The following GPHN variants were observed in gnomAD, a reference collection of about 807,000 sequenced individuals.
GPHN encodes gephyrin.
GPHN carries 17 observed loss-of-function variants against 95.5 expected under a neutral mutation model. That is an observed-to-expected ratio of 0.18 (90% CI 0.12 to 0.27). The LOEUF is 0.27. GPHN is among the 10% of genes least tolerant of loss of function. The pLI is 1.00. For synonymous variants in GPHN, 320 were observed against 322.5 expected, an observed-to-expected ratio of 0.99 and a Z score of 0.08; for missense variants, 660 against 978.1, an observed-to-expected ratio of 0.67 and a Z score of 4.34.
At chr14:67,081,808 C>T (rs1037875448) in intron 11 of GPHN, among the ~76,000 whole-genome samples, 2 of 152,194 alleles carry the variant, frequency 1.3e-5, no homozygotes, top group African/African-American at 4.8e-5. Context: ...TTTCATTCTT[C>T]TACATGTGAC....
At chr14:67,183,485 A>G (rs1224833939), downstream of GPHN, among the ~76,000 whole-genome samples, 1 of 152,230 alleles carries the variant, frequency 6.6e-6, no homozygotes, top group Non-Finnish European at 1.5e-5. Context: ...GTCCATGGTC[A>G]CATAGATAGT....
chr14:67,176,136 G>A (rs946743146), intron 21 of GPHN, among the ~76,000 whole-genome samples: 3 of 152,136 alleles, frequency 2.0e-5, no homozygotes, highest in African/African-American at 4.8e-5. Flanking sequence ...GGTGAGAGAG[G>A]GCATCCTTGT....
chr14:66,647,710 A>T (rs889753342), intron 1 of GPHN, among the ~76,000 whole-genome samples: 1 of 152,072 alleles, frequency 6.6e-6, no homozygotes, highest in South Asian at 2.1e-4. Flanking sequence ...TCATAATATT[A>T]TATTGTACAG....
the GPHN span, among the ~76,000 whole-genome samples, chr14:67,496,511 G>A: frequency 1.4e-5 from 2 of 147,006 alleles, no homozygotes; most frequent in East Asian, 2.1e-4. Flanking sequence ...TCAATAGGGT[G>A]TGCGATGACT....
the GPHN span, among the ~76,000 whole-genome samples, chr14:67,604,471 G>C: frequency 6.6e-6 from 1 of 152,146 alleles, no homozygotes; most frequent in East Asian, 1.9e-4. Context: ...GAGCCAGGAA[G>C]ATCGTTTGAG....
intron 1 of GPHN, among the ~76,000 whole-genome samples, chr14:66,667,192 G>A (rs1010595691): frequency 2.0e-5 from 3 of 152,144 alleles, no homozygotes; most frequent in African/African-American, 7.2e-5. Flanking sequence ...AATCAGTATT[G>A]GTAAAATGGC....
intron 9 of GPHN, among the ~76,000 whole-genome samples, chr14:66,972,284 A>G (rs922319411): frequency 7.4e-4 from 96 of 129,322 alleles, no homozygotes; most frequent in Non-Finnish European, 1.3e-3. Context: ...AAAAAAAAAA[A>G]GAAAGAAAAA....
chr14:66,513,591 G>T (rs1223463383), intron 1 of GPHN, among the ~76,000 whole-genome samples: 1 of 151,750 alleles, frequency 6.6e-6, no homozygotes, highest in Non-Finnish European at 1.5e-5. Flanking sequence ...GAAAAAGAAA[G>T]TAGTGAAACC....
intron 13 of GPHN, among the ~76,000 whole-genome samples, chr14:67,106,051 A>G (rs992451411): frequency 7.2e-5 from 11 of 152,180 alleles, no homozygotes; most frequent in Admixed American, 5.2e-4. Context: ...GCTTCCAGAT[A>G]TATGACTCCC....
chr14:67,245,267 A>G, the GPHN span, among the ~76,000 whole-genome samples: 3 of 152,198 alleles, frequency 2.0e-5, no homozygotes, highest in Non-Finnish European at 4.4e-5. Flanking sequence ...TTGCATTTCC[A>G]CCAGCAATAT....
At chr14:67,508,770 A>AC in the GPHN span, among the ~76,000 whole-genome samples, 21 of 150,950 alleles carry the variant, frequency 1.4e-4, no homozygotes, top group African/African-American at 5.1e-4. Context: ...AAAAAAAAAA[A>AC]ACAGAAGACA....
intron 9 of GPHN, 72 bp from the exon 10 acceptor site, chr14:67,023,561 G>T (rs2073769971): frequency 1.8e-6 from 2 of 1,135,912 alleles, no homozygotes; most frequent in Admixed American, 1.7e-5. Context: ...TCAGGAGCTT[G>T]CCCATTAAAT....
chr14:67,697,781 G>A, the GPHN span, among the ~76,000 whole-genome samples: 1 of 152,190 alleles, frequency 6.6e-6, no homozygotes, highest in African/African-American at 2.4e-5. Context: ...TTCTTGGTAA[G>A]GGTGTTTTAC....
chr14:67,660,963 A>G, the GPHN span, among the ~76,000 whole-genome samples: 1 of 152,250 alleles, frequency 6.6e-6, no homozygotes. Flanking sequence ...GGAAGAAGAT[A>G]GTTCCCACAG....
chr14:67,438,269 G>A, the GPHN span, among the ~76,000 whole-genome samples: 3 of 152,230 alleles, frequency 2.0e-5, no homozygotes, highest in Non-Finnish European at 4.4e-5. Flanking sequence ...GGGGTGATCA[G>A]GGGCTGGACC....
chr14:67,284,143 G>A, the GPHN span, among the ~76,000 whole-genome samples: 1 of 152,232 alleles, frequency 6.6e-6, no homozygotes, highest in South Asian at 2.1e-4. Context: ...GTTAGAACCA[G>A]AAGCTACAGA....
intron 3 of GPHN, among the ~76,000 whole-genome samples, chr14:66,779,001 C>T (rs138752716): frequency 1.8e-3 from 271 of 152,118 alleles, no homozygotes; most frequent in Non-Finnish European, 2.9e-3. Flanking sequence ...GCCTCGGCCT[C>T]CCAAAGTGCT....
At chr14:67,510,214 G>A in the GPHN span, among the ~76,000 whole-genome samples, 1 of 152,124 alleles carries the variant, frequency 6.6e-6, no homozygotes, top group Non-Finnish European at 1.5e-5. Flanking sequence ...CCTAATAAAT[G>A]GTGATTGTCA....
the GPHN span, among the ~76,000 whole-genome samples, chr14:67,509,105 A>C: frequency 0.4 from 60,283 of 151,852 alleles, 13,578 homozygotes; most frequent in Middle Eastern, 0.56. Flanking sequence ...CAAGAGGAAA[A>C]TTTTGGTTTC....
Sources: allele counts gnomAD v4.1 joint callset (sites outside exome capture counted in the v4.1 genomes callset), GRCh38; gene constraint gnomAD v4.1.1; transcripts MANE v1.5; gene names NCBI Gene and HGNC (gene_info 2026-07-23, HGNC 2026-07-21).